The following LRRC49 variants were observed in gnomAD, a reference collection of about 807,000 sequenced individuals.
LRRC49 encodes the protein leucine rich repeat containing 49, also known as leucine-rich repeat-containing protein 49.
In LRRC49, 50 loss-of-function variants were observed where a neutral mutation model predicts 83.3. The observed-to-expected ratio is 0.60, with a 90% CI of 0.48 to 0.76. The LOEUF (loss-of-function observed/expected upper bound fraction) is 0.76, where lower values mean the gene tolerates loss of function less well. Among genes scored for constraint, LRRC49 ranks in the 30% least tolerant of loss-of-function variants. The probability of loss-of-function intolerance (pLI) is 0.00; values close to 1 mark genes in which losing one functional copy is unlikely to be tolerated. For missense variants in LRRC49, 704 were observed against 809.1 expected (o/e 0.87, Z 1.58); for synonymous variants, 286 against 283.3 (o/e 1.01, Z -0.10).
intron 13 of LRRC49, among the ~76,000 whole-genome samples, chr15:71,011,269 G>A (rs895917718): frequency 1.3e-5 from 2 of 152,000 alleles, no homozygotes; most frequent in Admixed American, 6.6e-5. Context: ...GAAATAGAAT[G>A]GTTATTTTTA....
At chr15:71,045,977 A>G (rs990421081) in intron 15 of LRRC49, among the ~76,000 whole-genome samples, 4 of 152,194 alleles carry the variant, frequency 2.6e-5, no homozygotes, top group Non-Finnish European at 4.4e-5. Context: ...AATTTGCTTA[A>G]GATTATGGCC....
At chr15:71,038,074 A>G (rs1175841334) in intron 15 of LRRC49, among the ~76,000 whole-genome samples, 3 of 152,198 alleles carry the variant, frequency 2.0e-5, no homozygotes, top group Admixed American at 6.5e-5. Context: ...AGAACAAGAA[A>G]GAGAAAACAC....
At chr15:70,886,275 T>C (rs2033405332) in intron 2 of LRRC49, among the ~76,000 whole-genome samples, 2 of 152,124 alleles carry the variant, frequency 1.3e-5, no homozygotes, top group South Asian at 4.1e-4. Context: ...CAAAAGGTAT[T>C]CCACAAAATA....
chr15:70,951,878 T>C (rs983692214), intron 8 of LRRC49, among the ~76,000 whole-genome samples: 2 of 152,176 alleles, frequency 1.3e-5, no homozygotes, highest in African/African-American at 4.8e-5. Context: ...GCCCATTCAG[T>C]AAGATGACAT....
intron 7 of LRRC49, among the ~76,000 whole-genome samples, chr15:70,921,054 T>C (rs1012813148): frequency 2.0e-5 from 3 of 152,152 alleles, no homozygotes; most frequent in African/African-American, 7.2e-5. Flanking sequence ...TGAAGGACCA[T>C]GTTAAGGAGT....
chr15:71,009,892 T>C lies in LRRC49; in HGVS notation c.1493T>C (p.Ile498Thr), dbSNP rs756110161. 8.7e-6 allele frequency: 14 copies of C among 1,612,066 alleles called. No homozygotes were observed. Among genetic ancestry groups the C allele is most frequent in the South Asian group, 7.7e-5 (7 of 90,994 alleles). The stretch of plus-strand genomic sequence containing the variant: ...CTCCGTCGTATTGACCAGTTGACAA[T>C]TGATCCTCAAGGAAATCCAGTTGTC... The part of the protein sequence containing the change: ...AQLRRIDQLT[I>T]DPQGNPVVNF... Residue 498 changes from isoleucine to threonine, a missense_variant, in exon 13 of 16, where the codon ATT (isoleucine) becomes ACT (threonine). Physicochemically the swap from Ile to Thr is moderately conservative, Grantham distance 89. Around this residue, in one of 3 missense-constraint regions of LRRC49, gnomAD observed 275 missense variants for 338.0 expected, o/e 0.81. Coordinates refer to ENST00000260382, the MANE Select transcript of LRRC49 (RefSeq NM_017691.5).
rs189508190 is a variant in LRRC49, at chr15:70,953,817, T to C, written c.774-9968T>C. On this transcript the variant is annotated intron_variant, in intron 8 of 15. Coordinates refer to ENST00000260382, the MANE Select transcript of LRRC49 (RefSeq NM_017691.5). The stretch of plus-strand genomic sequence containing the variant: ...TCAGCTATTCTGTTATTTTTTTAAA[T>C]TATTTTTTCTTTATTTTTGTCTTCC... 7.9e-5 allele frequency among the ~76,000 whole-genome samples: 12 copies of C among 152,244 alleles called. 1 individual carries two copies. The East Asian group carries it at 2.3e-3, about 29-fold the overall frequency.
chr15:70,872,749 A>G (rs12902589), intron 1 of LRRC49, among the ~76,000 whole-genome samples: 84,486 of 151,946 alleles, frequency 0.56, 24,114 homozygotes, highest in Admixed American at 0.7. Context: ...GAAAGCTCTC[A>G]TATCCACTGA....
Position 70,959,582 on chromosome 15 carries a change from GAA to G in LRRC49, c.774-4202_774-4201del, listed in dbSNP as rs1193748163. Among the ~76,000 whole-genome samples, 643 of 143,164 alleles carry G rather than the reference GAA, an allele frequency of 4.5e-3. 8 individuals carry two copies. Among genetic ancestry groups the G allele is most frequent in the African/African-American group, 0.016 (616 of 39,350 alleles). 93.9% of individuals were successfully genotyped at this position (143,164 alleles called of 152,430 possible). ...GGAAGGAAGGAAGGAAGGAAGGAAG[GAA>G]GGAAGGAAGGAAGGAAGGGAGGGAA... On this transcript the variant is annotated intron_variant, in intron 8 of 15. Coordinates refer to ENST00000260382, the MANE Select transcript of LRRC49 (RefSeq NM_017691.5).
At chr15:71,025,671 A>G (rs1334854332) in intron 14 of LRRC49, among the ~76,000 whole-genome samples, 1 of 149,652 alleles carries the variant, frequency 6.7e-6, no homozygotes, top group Admixed American at 6.8e-5. Context: ...AAAATAAAAC[A>G]AAGGGATGGA....
chr15:70,906,097 TC>T (rs1336827224), intron 5 of LRRC49, among the ~76,000 whole-genome samples: 11 of 149,798 alleles, frequency 7.3e-5, no homozygotes, highest in East Asian at 5.8e-4. Context: ...CATTTTTTTT[TC>T]TTTTTTTTTT....
At chr15:70,873,336 A>G (rs889816541) in intron 2 of LRRC49, 1 of 1,230,666 alleles carries the variant, frequency 8.1e-7, no homozygotes, top group African/African-American at 1.5e-5. Flanking sequence ...CTATTATACA[A>G]GAATGAAAAA....
chr15:70,948,912 T>C (rs944341940), intron 8 of LRRC49, among the ~76,000 whole-genome samples: 1 of 152,210 alleles, frequency 6.6e-6, no homozygotes, highest in Non-Finnish European at 1.5e-5. Context: ...ACATGATTCT[T>C]TGCAGGCCAG....
chr15:70,950,110 ATCTGTATCCATG>A (rs1388883023), intron 8 of LRRC49, among the ~76,000 whole-genome samples: 10 of 152,260 alleles, frequency 6.6e-5, no homozygotes, highest in African/African-American at 2.2e-4. Context: ...AATGTCCTCC[ATCTGTATCCATG>A]TTGCTGCAAA....
intron 11 of LRRC49, among the ~76,000 whole-genome samples, chr15:70,995,831 G>A (rs555814618): frequency 2.0e-5 from 3 of 152,300 alleles, no homozygotes; most frequent in Admixed American, 2.0e-4. Context: ...GGAAGTATCT[G>A]TTAGTGAAAA....
At chr15:70,888,143 C>G (rs2033458889), upstream of LRRC49, among the ~76,000 whole-genome samples, 1 of 151,780 alleles carries the variant, frequency 6.6e-6, no homozygotes. Context: ...GAGTCATAAT[C>G]AAAATCCTCG....
At chr15:70,898,385 A>G in intron 3 of LRRC49, 1 of 701,156 alleles carries the variant, frequency 1.4e-6, no homozygotes, top group Non-Finnish European at 2.6e-6. Flanking sequence ...AAGAATATAA[A>G]GAATGTAAAA....
chr15:70,964,070 A>G, intron 9 of LRRC49, 138 bp downstream of exon 9: 1 of 732,734 alleles, frequency 1.4e-6, no homozygotes, highest in Non-Finnish European at 2.0e-6. Flanking sequence ...TCATAATTGC[A>G]ATTATGTAGT....
intron 14 of LRRC49, among the ~76,000 whole-genome samples, chr15:71,034,951 C>G (rs1041418667): frequency 1.3e-5 from 2 of 152,064 alleles, no homozygotes; most frequent in Non-Finnish European, 2.9e-5. Context: ...GACTTAATAC[C>G]TAGTGATGGG....
Sources: gnomAD v4.1 joint callset for allele counts (sites outside exome capture counted in the v4.1 genomes callset) on GRCh38, gnomAD v4.1.1 for gene constraint, gnomAD v4.1.1 regional missense constraint, MANE v1.5 for transcripts, NCBI Gene and HGNC (gene_info 2026-07-23, HGNC 2026-07-21) for gene names.